The following TNR variants were observed in gnomAD, a reference collection of about 807,000 sequenced individuals.
TNR encodes tenascin R.
TNR carries 45 observed loss-of-function variants against 150.4 expected under a neutral mutation model. That is an observed-to-expected ratio of 0.30 (90% CI 0.24 to 0.38). The LOEUF (loss-of-function observed/expected upper bound fraction) is 0.38. TNR is among the 10% of genes least tolerant of loss of function. The pLI is 1.00. For synonymous variants in TNR, 687 were observed against 678.4 expected, an observed-to-expected ratio of 1.01 and a Z score of -0.20; for missense variants, 1,544 against 1,759.1, an observed-to-expected ratio of 0.88 and a Z score of 2.19.
intron 2 of TNR, among the ~76,000 whole-genome samples, chr1:175,430,398 A>G (rs922808433): frequency 5.3e-5 from 8 of 152,216 alleles, no homozygotes; most frequent in African/African-American, 1.9e-4. Context: ...TTAGACAACA[A>G]TCTAAATGAG....
At chr1:175,636,233 G>C (rs1251797926) in intron 1 of TNR, among the ~76,000 whole-genome samples, 1 of 152,162 alleles carries the variant, frequency 6.6e-6, no homozygotes, top group Admixed American at 6.5e-5. Context: ...TACCTCCTCT[G>C]TCCTCAGAAT....
chr1:175,634,272 A>G (rs1664425036), intron 1 of TNR, among the ~76,000 whole-genome samples: 2 of 152,128 alleles, frequency 1.3e-5, no homozygotes, highest in African/African-American at 4.8e-5. Context: ...TGCTGATGAA[A>G]TGCTCACTTC....
chr1:175,403,142 G>T lies in TNR; in HGVS notation c.974C>A (p.Ala325Glu). 1 of 1,608,258 alleles carries T rather than the reference G, an allele frequency of 6.2e-7. No homozygotes were observed. The highest frequency in any genetic ancestry group is 1.1e-5 in the South Asian group (1 of 90,798). Residue 325 changes from alanine (A) to glutamate (E), a missense_variant and splice_region_variant, in exon 4 of 23, where the codon GCA (alanine) becomes GAA (glutamate). Physicochemically the swap from Ala to Glu is moderately radical, Grantham distance 107. This residue lies in a region of TNR where 1,254 missense variants were observed against 1,329.4 expected (regional missense o/e 0.94). Coordinates refer to ENST00000367674, the MANE Select transcript of TNR (RefSeq NM_003285.3). Reference sequence around the variant, plus strand: ...CCCCAGAGAGTTCCCCTGCCTACCTGCTGAGCAGTCAGGGCCCTGGTAGCC... The same window carrying T: ...CCCCAGAGAGTTCCCCTGCCTACCTTCTGAGCAGTCAGGGCCCTGGTAGCC... The part of the protein sequence containing the change: ...EEGYQGPDCS[A>E]VAPPEDLRVA...
intron 21 of TNR, among the ~76,000 whole-genome samples, chr1:175,325,383 G>T (rs1649314994): frequency 6.6e-6 from 1 of 152,198 alleles, no homozygotes; most frequent in Non-Finnish European, 1.5e-5. Flanking sequence ...TGCTGGAGAG[G>T]ATGTGGAGAA....
chr1:175,509,638 T>G (rs1659089019), intron 2 of TNR, among the ~76,000 whole-genome samples: 1 of 152,208 alleles, frequency 6.6e-6, no homozygotes, highest in African/African-American at 2.4e-5. Context: ...GAGGACAGTC[T>G]TCCAGAAAAT....
At chr1:175,559,632 A>G (rs1297169433) in intron 1 of TNR, among the ~76,000 whole-genome samples, 1 of 152,164 alleles carries the variant, frequency 6.6e-6, no homozygotes, top group Non-Finnish European at 1.5e-5. Context: ...AAATGCTATC[A>G]TATTGTAGGT....
intron 22 of TNR, 104 bp downstream of exon 22, chr1:175,324,252 T>A: frequency 8.0e-7 from 1 of 1,252,236 alleles, no homozygotes; most frequent in South Asian, 1.5e-5. Flanking sequence ...TATTTCTTTT[T>A]AAAGGGAAAT....
intron 1 of TNR, among the ~76,000 whole-genome samples, chr1:175,575,697 C>G (rs1662079681): frequency 1.3e-5 from 2 of 152,096 alleles, no homozygotes; most frequent in South Asian, 4.1e-4. Flanking sequence ...TTGAATGTAA[C>G]CAGGTAGACA....
rs1652918119 is a variant in TNR at position 175,386,193 on chromosome 1, C to A, written c.1616G>T (p.Gly539Val). 6.2e-7 allele frequency: 1 copy of A among 1,612,296 alleles called. No individual in the cohort carries two copies. The highest frequency in any genetic ancestry group is 8.5e-7 in the Non-Finnish European group (1 of 1,178,654). Reference protein sequence around the residue: ...AKVDFILLKYGLVGGEGGRTT... With the variant: ...AKVDFILLKYVLVGGEGGRTT... ...CCTCCCACCTTCCCCGCCCACCAGG[C>A]CATATTTCAAAAGAATGAAATCGAC... is the stretch of plus-strand genomic sequence containing the variant. Residue 539 changes from glycine (G) to valine (V), a missense_variant, in exon 8 of 23, where the codon GGC becomes GTC. This residue lies in a region of TNR where 1,254 missense variants were observed against 1,329.4 expected (regional missense o/e 0.94). Transcript: ENST00000367674.
At chr1:175,557,588 G>C (rs1661220173) in intron 1 of TNR, among the ~76,000 whole-genome samples, 1 of 152,032 alleles carries the variant, frequency 6.6e-6, no homozygotes, top group Admixed American at 6.6e-5. Flanking sequence ...TCTCACACCA[G>C]TTAGAATGGC....
intron 1 of TNR, among the ~76,000 whole-genome samples, chr1:175,654,297 T>G (rs2101891672): frequency 6.6e-6 from 1 of 152,258 alleles, no homozygotes; most frequent in East Asian, 1.9e-4. Context: ...AAATCCTAGG[T>G]GTTTGGAAGG....
At chr1:175,628,047 T>C (rs368154021) in intron 1 of TNR, among the ~76,000 whole-genome samples, 114 of 152,308 alleles carry the variant, frequency 7.5e-4, no homozygotes, top group African/African-American at 2.6e-3. Context: ...AGAAGGCAGG[T>C]GAAAAAGCTT....
Position 175,363,832 on chromosome 1 carries a change from A to C in TNR, c.2588-5T>G. The C allele has an allele frequency of 6.2e-7, 1 of 1,607,828 alleles. No individual in the cohort carries two copies. The highest frequency in any genetic ancestry group is 8.5e-7 in the Non-Finnish European group (1 of 1,176,482). ...TGTCTTTTGGGGGATCAATTCCTAC[A>C]AGGACCCAGTGATTGTGGGAAAAAG... On this transcript the variant is annotated splice_region_variant and splice_polypyrimidine_tract_variant and intron_variant, in intron 12 of 22. Coordinates refer to ENST00000367674, the MANE Select transcript of TNR (RefSeq NM_003285.3).
rs115610901 is a variant in TNR, at chr1:175,637,635, T to A, written c.-165+105591A>T. Among the ~76,000 whole-genome samples, 918 of 152,330 alleles carry A rather than the reference T, an allele frequency of 6.0e-3. 13 individuals carry two copies. Among genetic ancestry groups the A allele is most frequent in the African/African-American group, 0.021 (879 of 41,552 alleles). Reference sequence around the variant, plus strand: ...GAGAGGTAATACATCTACATTTTCATGATAGGTTCATCTTAAGGGGCCAAA... The same window carrying A: ...GAGAGGTAATACATCTACATTTTCAAGATAGGTTCATCTTAAGGGGCCAAA... On this transcript the variant is annotated intron_variant, in intron 1 of 22. Transcript: ENST00000367674.
At chr1:175,349,107 C>T (rs1192113486) in intron 18 of TNR, among the ~76,000 whole-genome samples, 2 of 152,126 alleles carry the variant, frequency 1.3e-5, no homozygotes, top group Non-Finnish European at 2.9e-5. Flanking sequence ...TGGAATGATG[C>T]ATGTCGTTAG....
chr1:175,589,243 G>T (rs1359669909), intron 1 of TNR, among the ~76,000 whole-genome samples: 5 of 152,106 alleles, frequency 3.3e-5, no homozygotes, highest in African/African-American at 1.2e-4. Flanking sequence ...AGCACATTTA[G>T]CTGACTCAAT....
At chr1:175,505,970 G>C (rs1321453960) in intron 2 of TNR, among the ~76,000 whole-genome samples, 4 of 152,240 alleles carry the variant, frequency 2.6e-5, no homozygotes, top group African/African-American at 9.6e-5. Flanking sequence ...ACTCCAGGAG[G>C]TGGAGGTTAC....
intron 2 of TNR, among the ~76,000 whole-genome samples, chr1:175,478,773 G>A (rs926070769): frequency 5.3e-5 from 8 of 152,136 alleles, no homozygotes; most frequent in Non-Finnish European, 1.2e-4. Flanking sequence ...GCCTCCCTGT[G>A]GTAAGACCTG....
Position 175,324,470 on chromosome 1 carries a change from T to C in TNR, c.3843A>G (p.Arg1281=), listed in dbSNP as rs1167717069. The change falls in exon 22 of 23, where the codon AGA becomes AGG. Residue 1281 remains arginine (R), a synonymous_variant. Transcript: ENST00000367674. ...HQGRPFSTED[R]DNDVAVTNCA... ...AGTTAGTCACTGCAACATCATTGTC[T>C]CTATCCTCTGTGGAGAAAGGGCGTC... 6.2e-7 allele frequency: 1 copy of C among 1,614,158 alleles called. No homozygotes were observed. Among genetic ancestry groups the C allele is most frequent in the Admixed American group, 1.7e-5 (1 of 60,024 alleles).
Sources: gnomAD v4.1 joint callset for allele counts (sites outside exome capture counted in the v4.1 genomes callset) on GRCh38, gnomAD v4.1.1 for gene constraint, gnomAD v4.1.1 regional missense constraint, MANE v1.5 for transcripts, NCBI Gene and HGNC (gene_info 2026-07-23, HGNC 2026-07-21) for gene names.